RASSF3: variants seen among roughly 807,000 people sequenced by gnomAD.
RASSF3 encodes the protein Ras association domain family member 3, also known as ras association domain-containing protein 3.
A neutral mutation model predicts 19.9 loss-of-function variants in RASSF3; 19 were observed. The observed-to-expected ratio is 0.96, with a 90% confidence interval of 0.67 to 1.40. The LOEUF (loss-of-function observed/expected upper bound fraction) is 1.40. Ranked by LOEUF, RASSF3 falls within the 40% of genes most tolerant of loss-of-function variation. The pLI is 0.00. For missense variants in RASSF3, 306 were observed against 289.8 expected, an observed-to-expected ratio of 1.06 and a Z score of -0.41; for synonymous variants, 110 against 104.2, an observed-to-expected ratio of 1.06 and a Z score of -0.34.
rs951200814 is a variant in RASSF3, at chr12:64,523,396, ACT to A, written c.169+16070_169+16071del. Among the ~76,000 whole-genome samples, 4 of 151,904 alleles carry A rather than the reference ACT, an allele frequency of 2.6e-5. 1 individual carries two copies. The South Asian group carries it at 6.2e-4, about 24-fold the overall frequency. ...ACTCCAGCCTGGGCGACAGAGTAAG[ACT>A]CTGTCTCAAAAAGATAAAATAAAAT... On this transcript the variant is annotated intron_variant, in intron 1 of 5. Coordinates refer to the RASSF3 transcript ENST00000637125.
intron 1 of RASSF3, among the ~76,000 whole-genome samples, chr12:64,629,003 C>T (rs1453456212): frequency 1.3e-5 from 2 of 151,534 alleles, no homozygotes; most frequent in Non-Finnish European, 2.9e-5. Flanking sequence ...GGCGTGAACA[C>T]AGCTCACCAC....
At chr12:64,573,548 C>T (rs1277093080) in intron 2 of RASSF3, among the ~76,000 whole-genome samples, 1 of 152,112 alleles carries the variant, frequency 6.6e-6, no homozygotes, top group Non-Finnish European at 1.5e-5. Flanking sequence ...ACATGTTTTA[C>T]CTCCATTTAT....
chr12:64,639,362 AT>A (rs68054310), intron 1 of RASSF3, among the ~76,000 whole-genome samples: 22,370 of 146,284 alleles, frequency 0.15, 2,404 homozygotes, highest in African/African-American at 0.32. Context: ...CCTAAACTGT[AT>A]TTTTTTTTTT....
At position 64,689,791 on chromosome 12, in the gene RASSF3, C is replaced by CTTTTTTTTTTTTTTTTTTTTT. The variant is rs762822586; in HGVS notation, c.457+1351_457+1352insTTTTTTTTTTTTTTTTTTTTT. Among the ~76,000 whole-genome samples the CTTTTTTTTTTTTTTTTTTTTT allele has an allele frequency of 8.4e-4, 81 of 96,548 alleles. 14 individuals are homozygous for CTTTTTTTTTTTTTTTTTTTTT. Among genetic ancestry groups the CTTTTTTTTTTTTTTTTTTTTT allele is most frequent in the South Asian group, 1.7e-3 (4 of 2,414 alleles). 63.3% of individuals were successfully genotyped at this position (96,548 alleles called of 152,430 possible). ...GTTTGTAGCTGCTAATTCGCTAATT[C>CTTTTTTTTTTTTTTTTTTTTT]TTTTTTTTTTTTTGAGACGGAGTCT... On this transcript the variant is annotated intron_variant, in intron 3 of 4. Coordinates refer to ENST00000542104, the MANE Select transcript of RASSF3 (RefSeq NM_178169.4).
At chr12:64,585,126 T>G (rs549054331) in intron 2 of RASSF3, among the ~76,000 whole-genome samples, 2 of 152,210 alleles carry the variant, frequency 1.3e-5, no homozygotes, top group East Asian at 3.9e-4. Flanking sequence ...CCTCATGATC[T>G]GCCTGCCTCG....
At chr12:64,625,460 A>T (rs1476876259) in intron 1 of RASSF3, among the ~76,000 whole-genome samples, 9 of 143,374 alleles carry the variant, frequency 6.3e-5, no homozygotes, top group Non-Finnish European at 7.7e-5. Context: ...TTTTTTTTTT[A>T]AACTTCCTCT....
chr12:64,612,483 T>TC (rs1555212143), intron 1 of RASSF3, among the ~76,000 whole-genome samples: 3 of 148,616 alleles, frequency 2.0e-5, no homozygotes, highest in South Asian at 2.1e-4. Context: ...GCGTTTCTTT[T>TC]TTTTTTTTTT....
chr12:64,675,278 G>T (rs1022562396), intron 1 of RASSF3, among the ~76,000 whole-genome samples: 6 of 151,902 alleles, frequency 3.9e-5, no homozygotes, highest in Non-Finnish European at 8.8e-5. Flanking sequence ...GTCGCTTAAG[G>T]TTTTCTTGCT....
chr12:64,513,057 T>G (rs1356356399), intron 1 of RASSF3, among the ~76,000 whole-genome samples: 2 of 152,038 alleles, frequency 1.3e-5, no homozygotes, highest in African/African-American at 4.8e-5. Context: ...CCGAAGCAAA[T>G]TATTCAAGCA....
intron 2 of RASSF3, among the ~76,000 whole-genome samples, chr12:64,577,335 T>C (rs1292737075): frequency 6.6e-6 from 1 of 152,238 alleles, no homozygotes; most frequent in African/African-American, 2.4e-5. Context: ...TGCTGCCATT[T>C]AGCGCTACAA....
chr12:64,671,938 G>A (rs889703839), intron 1 of RASSF3, among the ~76,000 whole-genome samples: 1 of 152,178 alleles, frequency 6.6e-6, no homozygotes, highest in Non-Finnish European at 1.5e-5. Flanking sequence ...CCTGTAGGGC[G>A]GAAGGGAGAA....
chr12:64,680,777 C>G (rs1873096701), intron 1 of RASSF3, among the ~76,000 whole-genome samples: 1 of 152,012 alleles, frequency 6.6e-6, no homozygotes, highest in Non-Finnish European at 1.5e-5. Context: ...CCATGCCCAG[C>G]TAATTTTTGT....
intron 1 of RASSF3, among the ~76,000 whole-genome samples, chr12:64,655,799 G>T (rs377109677): frequency 3.3e-5 from 5 of 152,062 alleles, no homozygotes; most frequent in African/African-American, 1.2e-4. Flanking sequence ...GGCCGAGGCG[G>T]GCGGATCACG....
rs1443846773 is a variant in RASSF3 at position 64,508,842 on chromosome 12, T to A, written c.169+1513T>A. Among the ~76,000 whole-genome samples the A allele has an allele frequency of 7.3e-5, 11 of 151,606 alleles. No homozygotes were observed. In the East Asian group the frequency reaches 1.2e-3, roughly 16 times the overall value. ...TGGAGGTTGCGGTGAGCCGAGATTG[T>A]GCGATTGCACTCCAGCCTAGGCAAC... On this transcript the variant is annotated intron_variant, in intron 1 of 5. Transcript: ENST00000637125.
At chr12:64,534,890 C>A (rs1868789748) in intron 1 of RASSF3, among the ~76,000 whole-genome samples, 1 of 152,084 alleles carries the variant, frequency 6.6e-6, no homozygotes, top group Non-Finnish European at 1.5e-5. Context: ...TCTTACAACA[C>A]CAGTAAGTAG....
At chr12:64,571,614 G>A (rs976630269) in intron 2 of RASSF3, among the ~76,000 whole-genome samples, 23 of 152,262 alleles carry the variant, frequency 1.5e-4, no homozygotes, top group African/African-American at 5.1e-4. Context: ...CTGCCATGGG[G>A]GTGGGAGGAA....
rs570844223 is a variant in RASSF3 at position 64,570,142 on chromosome 12, T to C, written c.294+28437T>C. Among the ~76,000 whole-genome samples, 3 of 152,202 alleles carry C rather than the reference T, an allele frequency of 2.0e-5. 1 individual carries two copies. Among genetic ancestry groups the C allele is most frequent in the Admixed American group, 2.0e-4 (3 of 15,274 alleles). On this transcript the variant is annotated intron_variant, in intron 2 of 5. Coordinates refer to the RASSF3 transcript ENST00000637125. ...ATTTGACCTTGGCTCACTCAGACTT[T>C]GGCCTATAAAGTTCACAAGCTTTAG...
chr12:64,691,484 C>T lies in RASSF3; in HGVS notation c.472C>T (p.Leu158Phe). 2.5e-6 allele frequency: 4 copies of T among 1,612,974 alleles called. No individual in the cohort carries two copies. The highest frequency in any genetic ancestry group is 3.4e-6 in the Non-Finnish European group (4 of 1,178,934). Residue 158 changes from leucine to phenylalanine, a missense_variant, in exon 4 of 5, where the codon CTC (leucine) becomes TTC (phenylalanine). Coordinates refer to ENST00000542104, the MANE Select transcript of RASSF3 (RefSeq NM_178169.4). The stretch of plus-strand genomic sequence containing the variant: ...TCTTTACCCAGTCTACGCCTGCAAG[C>T]TCTCAGACCGGGAACATCCACTCTA... ...HREDQVYACK[L>F]SDREHPLYLR...
intron 1 of RASSF3, among the ~76,000 whole-genome samples, chr12:64,660,413 T>G (rs1458143958): frequency 2.0e-5 from 3 of 152,186 alleles, no homozygotes; most frequent in Non-Finnish European, 4.4e-5. Context: ...AGCTGTCTCA[T>G]TGTATGTAAG....
Sources: gnomAD v4.1 joint callset for allele counts (sites outside exome capture counted in the v4.1 genomes callset) on GRCh38, gnomAD v4.1.1 for gene constraint, MANE v1.5 for transcripts, NCBI Gene and HGNC (gene_info 2026-07-23, HGNC 2026-07-21) for gene names.